The following CHCHD3 variants were observed in gnomAD, a reference collection of about 807,000 sequenced individuals.
CHCHD3 encodes MICOS complex subunit MIC19.
Under a neutral mutation model 38.2 loss-of-function variants are expected in CHCHD3, and 20 were observed. That is an observed-to-expected ratio of 0.52 (90% CI 0.37 to 0.76). The LOEUF (loss-of-function observed/expected upper bound fraction) is 0.76, where lower values mean the gene tolerates loss of function less well. Ranked by LOEUF, CHCHD3 falls within the 30% of genes least tolerant of loss-of-function variation. CHCHD3 has a pLI of 0.00. For synonymous variants in CHCHD3, 82 were observed against 100.0 expected, an observed-to-expected ratio of 0.82 and a Z score of 1.07; for missense variants, 245 against 279.2, an observed-to-expected ratio of 0.88 and a Z score of 0.87.
At chr7:133,036,053 C>T (rs770227059) in intron 2 of CHCHD3, 116 of 718,630 alleles carry the variant, frequency 1.6e-4, no homozygotes, top group Non-Finnish European at 2.6e-4. Context: ...ATCCAACACA[C>T]ATGATGATTT....
intron 4 of CHCHD3, among the ~76,000 whole-genome samples, chr7:132,921,657 C>T (rs1237370587): frequency 2.1e-5 from 3 of 142,884 alleles, no homozygotes; most frequent in Non-Finnish European, 3.1e-5. Flanking sequence ...ACAACAACAA[C>T]AAAACACAAA....
chr7:132,856,807 C>T (rs1808351391), intron 5 of CHCHD3, among the ~76,000 whole-genome samples: 1 of 152,226 alleles, frequency 6.6e-6, no homozygotes, highest in South Asian at 2.1e-4. Context: ...ACGCCTCCTC[C>T]TGATAGAAGT....
intron 2 of CHCHD3, among the ~76,000 whole-genome samples, chr7:133,039,914 T>C (rs1384009116): frequency 1.3e-5 from 2 of 152,156 alleles, no homozygotes; most frequent in African/African-American, 2.4e-5. Flanking sequence ...GGCTCAAGGA[T>C]AGTTGTGAGC....
intron 2 of CHCHD3, among the ~76,000 whole-genome samples, chr7:133,025,512 G>C (rs997577226): frequency 6.6e-6 from 1 of 152,092 alleles, no homozygotes; most frequent in African/African-American, 2.4e-5. Flanking sequence ...TTTTCTCTTT[G>C]TTTGTTTGTT....
intron 3 of CHCHD3, among the ~76,000 whole-genome samples, chr7:133,019,162 C>T (rs1584647506): frequency 1.3e-5 from 2 of 151,976 alleles, no homozygotes. Context: ...GGATTGCAGG[C>T]ATGAGCCACC....
rs1413771152 is a variant in CHCHD3 at position 133,069,873 on chromosome 7, CAA to C, written c.169+267_169+268del. The stretch of plus-strand genomic sequence containing the variant: ...ATCCCTATAAGCAATCCATTTTACA[CAA>C]AAAGATATGAAGTAACTTTCCAAAG... On this transcript the variant is annotated intron_variant, in intron 2 of 7. Transcript: ENST00000262570. Among the ~76,000 whole-genome samples, 15 of 152,134 alleles carry C rather than the reference CAA, an allele frequency of 9.9e-5. No individual in the cohort carries two copies. In the South Asian group the frequency reaches 3.1e-3, roughly 32 times the overall value.
chr7:132,817,580 G>A (rs971338913), intron 6 of CHCHD3, among the ~76,000 whole-genome samples: 21 of 152,132 alleles, frequency 1.4e-4, no homozygotes, highest in African/African-American at 4.8e-4. Context: ...CACCTCTGGG[G>A]TTCATGGGGG....
intron 4 of CHCHD3, among the ~76,000 whole-genome samples, chr7:132,930,420 C>T (rs1810486839): frequency 6.6e-6 from 1 of 152,164 alleles, no homozygotes; most frequent in African/African-American, 2.4e-5. Flanking sequence ...CTGCCCGCCT[C>T]AGCCTCCCAA....
At chr7:132,876,271 G>A (rs763756459) in intron 5 of CHCHD3, among the ~76,000 whole-genome samples, 23 of 152,118 alleles carry the variant, frequency 1.5e-4, no homozygotes, top group Non-Finnish European at 2.5e-4. Flanking sequence ...AATCTCATAC[G>A]CAGGAAACAT....
chr7:132,983,288 A>C (rs184189262), intron 3 of CHCHD3, among the ~76,000 whole-genome samples: 1 of 152,316 alleles, frequency 6.6e-6, no homozygotes, highest in African/African-American at 2.4e-5. Context: ...ACGCCATTGC[A>C]CTCCAGCCTG....
chr7:133,048,233 C>T (rs1167194184), intron 2 of CHCHD3, among the ~76,000 whole-genome samples: 9 of 151,966 alleles, frequency 5.9e-5, no homozygotes, highest in Non-Finnish European at 1.3e-4. Flanking sequence ...GGAGGGAAAG[C>T]GTAGTTTATA....
At chr7:133,043,602 C>G (rs903340987) in intron 2 of CHCHD3, among the ~76,000 whole-genome samples, 5 of 150,844 alleles carry the variant, frequency 3.3e-5, no homozygotes, top group African/African-American at 1.2e-4. Context: ...GCCGAGATAG[C>G]GCCACTGCAC....
At chr7:132,790,459 C>T (rs1413970560) in intron 7 of CHCHD3, among the ~76,000 whole-genome samples, 2 of 152,016 alleles carry the variant, frequency 1.3e-5, no homozygotes, top group Non-Finnish European at 2.9e-5. Flanking sequence ...AAAAGGATTC[C>T]TATGATGGAA....
intron 5 of CHCHD3, among the ~76,000 whole-genome samples, chr7:132,856,614 C>T (rs898879460): frequency 2.0e-5 from 3 of 152,132 alleles, no homozygotes; most frequent in Non-Finnish European, 4.4e-5. Context: ...TGTAACCAGA[C>T]CAAATCCATC....
intron 4 of CHCHD3, among the ~76,000 whole-genome samples, chr7:132,917,343 T>TC: frequency 6.6e-6 from 1 of 152,192 alleles, no homozygotes; most frequent in East Asian, 1.9e-4. Context: ...AAAGAGCCAG[T>TC]CGTAATCCTC....
Position 132,985,831 on chromosome 7 carries a change from C to T in CHCHD3, c.252-10545G>A, listed in dbSNP as rs1178238038. Reference sequence around the variant, plus strand: ...GCCGCCCCGTCCGGGAGGTGAGGGGCGCCTCTGCCCGGCCGCCCCTACTGG... The same window carrying T: ...GCCGCCCCGTCCGGGAGGTGAGGGGTGCCTCTGCCCGGCCGCCCCTACTGG... On this transcript the variant is annotated intron_variant, in intron 3 of 7. Coordinates refer to ENST00000262570, the MANE Select transcript of CHCHD3 (RefSeq NM_017812.4). 4.1e-3 allele frequency among the ~76,000 whole-genome samples: 496 copies of T among 120,220 alleles called. 14 individuals carry two copies. The highest frequency in any genetic ancestry group is 0.039 in the South Asian group (143 of 3,646). 78.9% of individuals were successfully genotyped at this position (120,220 alleles called of 152,430 possible).
At chr7:133,026,864 G>A (rs1169505888) in intron 2 of CHCHD3, among the ~76,000 whole-genome samples, 6 of 152,012 alleles carry the variant, frequency 3.9e-5, no homozygotes, top group Non-Finnish European at 7.4e-5. Flanking sequence ...CCCTGCAGTA[G>A]GAGAAAGCAG....
chr7:132,917,791 G>A (rs1810148402), intron 4 of CHCHD3, among the ~76,000 whole-genome samples: 1 of 149,236 alleles, frequency 6.7e-6, no homozygotes, highest in Non-Finnish European at 1.5e-5. Flanking sequence ...CTCGGGAGGC[G>A]GAGCTTGCAG....
At chr7:132,980,302 G>C (rs758300943) in intron 3 of CHCHD3, among the ~76,000 whole-genome samples, 27 of 152,134 alleles carry the variant, frequency 1.8e-4, no homozygotes, top group Admixed American at 7.9e-4. Context: ...ATTAACTTGG[G>C]TTTCCAAAGA....
Sources: allele counts gnomAD v4.1 joint callset (sites outside exome capture counted in the v4.1 genomes callset), GRCh38; gene constraint gnomAD v4.1.1; transcripts MANE v1.5; gene names NCBI Gene and HGNC (gene_info 2026-07-23, HGNC 2026-07-21).